Variants in MS4A5 observed in about 807,000 individuals in gnomAD.
The protein encoded by MS4A5 is membrane spanning 4-domains A5.
In MS4A5, 15 loss-of-function variants were observed where a neutral mutation model predicts 18.2. That is an observed-to-expected ratio of 0.83 (90% confidence interval 0.55 to 1.27). MS4A5 has a LOEUF of 1.27. MS4A5 is among the 50% of genes most tolerant of loss of function. The pLI is 0.00. For synonymous variants in MS4A5, 89 were observed against 78.7 expected, an observed-to-expected ratio of 1.13 and a Z score of -0.69; for missense variants, 232 against 225.7, an observed-to-expected ratio of 1.03 and a Z score of -0.18.
intron 3 of MS4A5, among the ~76,000 whole-genome samples, chr11:60,432,979 A>G (rs1335154800): frequency 6.6e-6 from 1 of 152,184 alleles, no homozygotes; most frequent in African/African-American, 2.4e-5. Context: ...ATGCTAGAGG[A>G]GAAAGTTTCT....
At position 60,429,763 on chromosome 11, in the gene MS4A5, C is replaced by G; in HGVS notation, c.89C>G (p.Ala30Gly). Residue 30 changes from alanine (A) to glycine (G), a missense_variant, in exon 1 of 5, where the codon GCC (alanine) becomes GGC (glycine). Ala to Gly is a moderately conservative substitution (Grantham distance 60). Transcript: ENST00000300190. ...ASEYESTELS[A>G]TTFSTQSPLQ... ...GAATATGAGTCCACAGAACTTTCAGCCACGACCTTTTCAACTCAAAGCCCC... is the reference window on the plus strand; with the variant it reads ...GAATATGAGTCCACAGAACTTTCAGGCACGACCTTTTCAACTCAAAGCCCC... The G allele has an allele frequency of 1.2e-6, 2 of 1,614,040 alleles. No homozygotes were observed. The highest frequency in any genetic ancestry group is 1.7e-6 in the Non-Finnish European group (2 of 1,180,006).
intron 4 of MS4A5, among the ~76,000 whole-genome samples, chr11:60,446,098 A>G (rs536732022): frequency 3.3e-5 from 5 of 152,096 alleles, no homozygotes; most frequent in Non-Finnish European, 7.4e-5. Context: ...AAACAAAAAA[A>G]CACAGAAAAA....
rs1044555562 is a variant in MS4A5 at position 60,440,116 on chromosome 11, A to C, written c.492+6199A>C. Among the ~76,000 whole-genome samples, 31 of 100,778 alleles carry C rather than the reference A, an allele frequency of 3.1e-4. 2 individuals are homozygous for C. The highest frequency in any genetic ancestry group is 1.1e-3 in the African/African-American group (31 of 28,544). The allele number at this position is 100,778 out of a possible 152,430, so 66.1% of individuals were successfully genotyped here. A position where few individuals can be genotyped will look rare whatever the true frequency, so the allele number is the denominator to read the frequency against. Reference sequence around the variant, plus strand: ...GAACAGAACAGAGCCCTCAGAAATAACGCCGCATATCTACAACTATCTGAT... The same window carrying C: ...GAACAGAACAGAGCCCTCAGAAATACCGCCGCATATCTACAACTATCTGAT... On this transcript the variant is annotated intron_variant, in intron 4 of 4. Coordinates refer to ENST00000300190, the MANE Select transcript of MS4A5 (RefSeq NM_023945.3).
intron 4 of MS4A5, among the ~76,000 whole-genome samples, chr11:60,444,438 G>A (rs1306895831): frequency 6.6e-6 from 1 of 151,928 alleles, no homozygotes; most frequent in Non-Finnish European, 1.5e-5. Context: ...AAACATAAAA[G>A]GGACTAAATA....
In MS4A5 at chr11:60,430,785, T is replaced by C; in HGVS notation, c.154-11T>C. ...GCTTTTCCTCACCATGACTTTTTCC[T>C]CTATTTGCAGACTATCCAGATCCTG... On this transcript the variant is annotated splice_polypyrimidine_tract_variant and intron_variant, in intron 1 of 4. Coordinates refer to ENST00000300190, the MANE Select transcript of MS4A5 (RefSeq NM_023945.3). 1 of 1,609,064 alleles carries C rather than the reference T, an allele frequency of 6.2e-7. No homozygotes were observed. Among genetic ancestry groups the C allele is most frequent in the Non-Finnish European group, 8.5e-7 (1 of 1,179,244 alleles).
At chr11:60,446,164 C>T (rs1284101587) in intron 4 of MS4A5, among the ~76,000 whole-genome samples, 1 of 152,166 alleles carries the variant, frequency 6.6e-6, no homozygotes, top group Admixed American at 6.5e-5. Flanking sequence ...TGACAAACTA[C>T]ACCATGAAAT....
rs1263257442 is a variant in MS4A5, at chr11:60,447,755, G to T, written c.599G>T (p.Cys200Phe). The T allele has an allele frequency of 6.4e-6, 10 of 1,552,914 alleles. No individual in the cohort carries two copies. The highest frequency in any genetic ancestry group is 8.8e-6 in the Non-Finnish European group (10 of 1,135,508). Reference sequence around the variant, plus strand: ...GAGGATTGTGATTGTGAACAATGTTGTTGACTAGCACTGTGAGAATAAAGA... The same window carrying T: ...GAGGATTGTGATTGTGAACAATGTTTTTGACTAGCACTGTGAGAATAAAGA... ...HSEDCDCEQC[C>F] Residue 200 changes from cysteine (C) to phenylalanine (F), a missense_variant, in exon 5 of 5, where the codon TGT becomes TTT. Coordinates refer to ENST00000300190, the MANE Select transcript of MS4A5 (RefSeq NM_023945.3).
intron 4 of MS4A5, among the ~76,000 whole-genome samples, chr11:60,440,292 C>T (rs61898332): frequency 0.29 from 31,898 of 111,438 alleles, 4,802 homozygotes; most frequent in Non-Finnish European, 0.33. Context: ...GGATTAAAGA[C>T]TTAAACGTTA....
intron 4 of MS4A5, among the ~76,000 whole-genome samples, chr11:60,438,060 T>G (rs2086090628): frequency 6.6e-6 from 1 of 151,866 alleles, no homozygotes; most frequent in African/African-American, 2.4e-5. Context: ...GAACAGAAAT[T>G]ATAACAAACT....
intron 4 of MS4A5, among the ~76,000 whole-genome samples, chr11:60,441,477 A>C (rs553647045): frequency 1.3e-5 from 2 of 151,116 alleles, no homozygotes; most frequent in African/African-American, 4.8e-5. Flanking sequence ...AGAAAAAAAA[A>C]GAAAGGAGAT....
At chr11:60,447,207 A>G (rs1220114817) in intron 4 of MS4A5, among the ~76,000 whole-genome samples, 2 of 151,654 alleles carry the variant, frequency 1.3e-5, no homozygotes, top group African/African-American at 4.9e-5. Flanking sequence ...ATGCTATCCT[A>G]TGCTATGCTA....
At chr11:60,434,799 T>G (rs569819498) in intron 4 of MS4A5, among the ~76,000 whole-genome samples, 12 of 152,270 alleles carry the variant, frequency 7.9e-5, no homozygotes, top group African/African-American at 2.2e-4. Flanking sequence ...CATTTGCCAG[T>G]GATGCTTATT....
chr11:60,440,511 T>A (rs1022144893), intron 4 of MS4A5, among the ~76,000 whole-genome samples: 1 of 125,770 alleles, frequency 8.0e-6, no homozygotes. Flanking sequence ...GGGAGAAAAT[T>A]TTTGCAACCT....
chr11:60,438,758 G>A (rs1445036370), intron 4 of MS4A5, among the ~76,000 whole-genome samples: 2 of 149,288 alleles, frequency 1.3e-5, no homozygotes, highest in South Asian at 2.1e-4. Flanking sequence ...CCAATAACAG[G>A]AGCTGAAATT....
chr11:60,430,825 C>G lies in MS4A5; in HGVS notation c.183C>G (p.Thr61=). The change falls in exon 2 of 5, where the codon ACC becomes ACG. Residue 61 remains threonine (T), a synonymous_variant. Coordinates refer to ENST00000300190, the MANE Select transcript of MS4A5 (RefSeq NM_023945.3). ...GTIQILFGIM[T]FSFGVIFLFT... is the part of the protein sequence containing the mutation. ...TCCAGATCCTGTTTGGAATTATGAC[C>G]TTTTCTTTTGGAGTTATCTTCCTTT... 1 of 1,613,056 alleles carries G rather than the reference C, an allele frequency of 6.2e-7. No homozygotes were observed. Among genetic ancestry groups the G allele is most frequent in the Non-Finnish European group, 8.5e-7 (1 of 1,179,808 alleles).
In MS4A5 at chr11:60,447,673, T is replaced by G; in HGVS notation, c.517T>G (p.Phe173Val). Reference sequence around the variant, plus strand: ...GGGAATTTTGATTACATTGATGACTTTCAGCATTATTGAATTATTCATTTC... The same window carrying G: ...GGGAATTTTGATTACATTGATGACTGTCAGCATTATTGAATTATTCATTTC... ...FLGILITLMT[F>V]SIIELFISLP... The change falls in exon 5 of 5, where the codon TTC (phenylalanine) becomes GTC (valine). Residue 173 changes from phenylalanine (F) to valine (V), a missense_variant. By Grantham distance (50) the Phe-to-Val change is conservative (BLOSUM62 -1). Coordinates refer to ENST00000300190, the MANE Select transcript of MS4A5 (RefSeq NM_023945.3). 1 of 1,588,442 alleles carries G rather than the reference T, an allele frequency of 6.3e-7. No homozygotes were observed. Among genetic ancestry groups the G allele is most frequent in the African/African-American group, 1.4e-5 (1 of 73,208 alleles).
intron 4 of MS4A5, chr11:60,435,415 G>A (rs1268785449): frequency 2.2e-6 from 1 of 447,128 alleles, no homozygotes; most frequent in South Asian, 1.6e-5. Context: ...AGAAATAAAT[G>A]AGGGGGGAGG....
intron 1 of MS4A5, 71 bp downstream of exon 1, chr11:60,429,898 CAT>C: frequency 6.9e-7 from 1 of 1,448,450 alleles, no homozygotes; most frequent in Non-Finnish European, 9.4e-7. Context: ...TCTGTTGGCA[CAT>C]GTTTGAAGGT....
At chr11:60,438,149 A>T (rs940975987) in intron 4 of MS4A5, among the ~76,000 whole-genome samples, 4 of 152,038 alleles carry the variant, frequency 2.6e-5, no homozygotes, top group African/African-American at 7.2e-5. Flanking sequence ...ACATGGAAAC[A>T]GAACAACCTG....
Sources: allele counts gnomAD v4.1 joint callset (sites outside exome capture counted in the v4.1 genomes callset), GRCh38; gene constraint gnomAD v4.1.1; transcripts MANE v1.5; gene names NCBI Gene and HGNC (gene_info 2026-07-23, HGNC 2026-07-21).